The following PTPRM variants were observed in gnomAD, a reference collection of about 807,000 sequenced individuals.
PTPRM encodes the protein protein tyrosine phosphatase receptor type M.
PTPRM carries 47 observed loss-of-function variants against 186.7 expected under a neutral mutation model. The ratio of observed to expected loss-of-function variants is 0.25; its 90% CI spans 0.20 to 0.32. PTPRM has a LOEUF of 0.32. PTPRM is among the 10% of genes least tolerant of loss of function. PTPRM has a pLI of 1.00. For missense variants in PTPRM, 1,494 were observed against 1,865.0 expected (o/e 0.80, Z 3.66); for synonymous variants, 668 against 674.9 (o/e 0.99, Z 0.16).
chr18:7,617,902 C>G (rs2037845585), intron 1 of PTPRM, among the ~76,000 whole-genome samples: 1 of 152,004 alleles, frequency 6.6e-6, no homozygotes, highest in South Asian at 2.1e-4. Context: ...GGAATGCTGC[C>G]CTGGACTTTC....
chr18:8,308,336 G>A (rs192625806), intron 20 of PTPRM, among the ~76,000 whole-genome samples: 8 of 152,316 alleles, frequency 5.3e-5, no homozygotes, highest in Admixed American at 4.6e-4. Flanking sequence ...TTGGCTGCCT[G>A]ATTGGTTGAA....
chr18:8,269,726 A>G (rs567363747), intron 19 of PTPRM, among the ~76,000 whole-genome samples: 318 of 152,068 alleles, frequency 2.1e-3, no homozygotes, highest in Non-Finnish European at 3.8e-3. Context: ...CCAGAAATAA[A>G]CTCATGCATA....
chr18:7,614,252 C>G (rs980272079), intron 1 of PTPRM, among the ~76,000 whole-genome samples: 1 of 152,142 alleles, frequency 6.6e-6, no homozygotes, highest in African/African-American at 2.4e-5. Context: ...AAATGAGTTA[C>G]CACAGTAATA....
At chr18:8,071,651 T>G (rs1314099265) in intron 8 of PTPRM, among the ~76,000 whole-genome samples, 1 of 152,200 alleles carries the variant, frequency 6.6e-6, no homozygotes, top group African/African-American at 2.4e-5. Flanking sequence ...CCCTGAGTGC[T>G]GGTCCCTGTG....
intron 3 of PTPRM, among the ~76,000 whole-genome samples, chr18:7,891,496 G>A (rs922800932): frequency 3.3e-5 from 5 of 152,066 alleles, no homozygotes; most frequent in African/African-American, 9.7e-5. Flanking sequence ...TTATATAAAT[G>A]TACTGGTGAC....
chr18:7,652,106 T>G lies in PTPRM; in HGVS notation c.73+84215T>G, dbSNP rs9797403. Among the ~76,000 whole-genome samples the G allele has an allele frequency of 5.3e-5, 8 of 152,310 alleles. No individual in the cohort carries two copies. The East Asian group carries it at 5.8e-4, about 11-fold the overall frequency. The stretch of plus-strand genomic sequence containing the variant: ...AAATGGGCGAAGGACATGGACACAC[T>G]CTTCTCAAAAGAAGACATTTATGCA... On this transcript the variant is annotated intron_variant, in intron 1 of 32. Transcript: ENST00000580170.
chr18:8,354,412 A>G (rs1008890986), intron 23 of PTPRM, among the ~76,000 whole-genome samples: 5 of 152,234 alleles, frequency 3.3e-5, no homozygotes, highest in Middle Eastern at 3.4e-3. Context: ...AGAGACCCAG[A>G]TCATGAGAAC....
At chr18:8,053,381 T>G (rs974434194) in intron 7 of PTPRM, among the ~76,000 whole-genome samples, 41 of 152,162 alleles carry the variant, frequency 2.7e-4, no homozygotes, top group Non-Finnish European at 5.3e-4. Context: ...GTTTTTGTGC[T>G]TCTAATTGAG....
chr18:8,146,665 C>T (rs777299862), intron 14 of PTPRM, among the ~76,000 whole-genome samples: 2 of 152,176 alleles, frequency 1.3e-5, no homozygotes, highest in African/African-American at 2.4e-5. Context: ...AATTAGATCT[C>T]ATTTGTCAAT....
intron 13 of PTPRM, among the ~76,000 whole-genome samples, chr18:8,125,893 T>C (rs1393949883): frequency 6.7e-6 from 1 of 149,522 alleles, no homozygotes. Flanking sequence ...ATCTAGGCTT[T>C]TTAAATTAAG....
intron 2 of PTPRM, among the ~76,000 whole-genome samples, chr18:7,870,649 A>G (rs1241008717): frequency 1.3e-5 from 2 of 152,224 alleles, no homozygotes; most frequent in East Asian, 1.9e-4. Flanking sequence ...CTACCAATCA[A>G]TAAAAAATCT....
chr18:7,892,708 A>G (rs2049144268), intron 3 of PTPRM, among the ~76,000 whole-genome samples: 1 of 152,230 alleles, frequency 6.6e-6, no homozygotes, highest in African/African-American at 2.4e-5. Flanking sequence ...CTTAAACAAC[A>G]GACAATATTT....
rs75115380 is a variant in PTPRM at position 8,057,155 on chromosome 18, T to C, written c.1133-12531T>C. On this transcript the variant is annotated intron_variant, in intron 7 of 32. Coordinates refer to ENST00000580170, the MANE Select transcript of PTPRM (RefSeq NM_001105244.2). ...AGTACAAAACCATGTTTGGGAATGA[T>C]AGATAATAACCTTTGAATAGGAAGT... Among the ~76,000 whole-genome samples the C allele has an allele frequency of 9.3e-5, 14 of 151,338 alleles. No homozygotes were observed. The East Asian group carries it at 2.7e-3, about 29-fold the overall frequency.
chr18:8,075,176 G>A (rs963167623), intron 8 of PTPRM, among the ~76,000 whole-genome samples: 3 of 152,078 alleles, frequency 2.0e-5, no homozygotes, highest in African/African-American at 2.4e-5. Context: ...AATGTTCCCA[G>A]TACTCTTACT....
chr18:7,770,311 TCC>T (rs2042216717), intron 1 of PTPRM, among the ~76,000 whole-genome samples: 3 of 152,216 alleles, frequency 2.0e-5, no homozygotes, highest in Non-Finnish European at 4.4e-5. Context: ...TCTTGGCACT[TCC>T]ATGTTTAATA....
At chr18:8,357,487 C>G (rs1284324896) in intron 23 of PTPRM, among the ~76,000 whole-genome samples, 1 of 152,136 alleles carries the variant, frequency 6.6e-6, no homozygotes, top group South Asian at 2.1e-4. Context: ...GTGTCTTTAC[C>G]TAGTGATCAG....
At chr18:7,838,776 G>A (rs2046184829) in intron 2 of PTPRM, among the ~76,000 whole-genome samples, 1 of 152,204 alleles carries the variant, frequency 6.6e-6, no homozygotes, top group African/African-American at 2.4e-5. Flanking sequence ...CTAGGCCCAG[G>A]TAGGGCCAAA....
intron 2 of PTPRM, chr18:7,814,304 G>A (rs920815793): frequency 6.6e-6 from 1 of 152,198 alleles, no homozygotes. Context: ...GGTGTACCTC[G>A]TTAAGCACAT....
intron 7 of PTPRM, among the ~76,000 whole-genome samples, chr18:7,995,170 G>A (rs2083468643): frequency 6.6e-6 from 1 of 151,972 alleles, no homozygotes; most frequent in South Asian, 2.1e-4. Context: ...AGACTATTAG[G>A]AACAACTAAC....
Sources: allele counts gnomAD v4.1 joint callset (sites outside exome capture counted in the v4.1 genomes callset), GRCh38; gene constraint gnomAD v4.1.1; transcripts MANE v1.5; gene names NCBI Gene and HGNC (gene_info 2026-07-23, HGNC 2026-07-21).